Variants in KDM6A observed in about 807,000 individuals in gnomAD.
KDM6A encodes lysine-specific demethylase 6A.
Under a neutral mutation model 117.6 loss-of-function variants are expected in KDM6A, and 11 were observed. That is an observed-to-expected ratio of 0.09 (90% CI 0.06 to 0.15). The LOEUF (loss-of-function observed/expected upper bound fraction) is 0.15, where lower values mean the gene tolerates loss of function less well. Among genes scored for constraint, KDM6A ranks in the 10% least tolerant of loss-of-function variants. The probability of loss-of-function intolerance (pLI) is 1.00; values close to 1 mark genes in which losing one functional copy is unlikely to be tolerated. For missense variants in KDM6A, 799 were observed against 1,077.3 expected (o/e 0.74, Z 3.62); for synonymous variants, 384 against 396.1 (o/e 0.97, Z 0.36).
intron 2 of KDM6A, among the ~76,000 whole-genome samples, chrX:44,884,720 G>A (rs1207919890): frequency 1.8e-5 from 2 of 111,317 alleles, no homozygotes; most frequent in Non-Finnish European, 1.9e-5. Flanking sequence ...CTTGAAAAAG[G>A]CCTTTTCTTG....
At chrX:44,992,557 T>C (rs1405901008) in intron 4 of KDM6A, among the ~76,000 whole-genome samples, 1 of 101,638 alleles carries the variant, frequency 9.8e-6, no homozygotes, top group Non-Finnish European at 2.0e-5. Context: ...AAAGATGCAC[T>C]TTTTTTTTTT....
chrX:45,090,215 A>G lies in KDM6A; in HGVS notation c.3892+285A>G, dbSNP rs557459344. ...TTTTAAAAAAACCCTTATGAGAGAA[A>G]ACAAAGTAGAAAAATTATTCTTTCA... On this transcript the variant is annotated intron_variant, in intron 26 of 29. Coordinates refer to ENST00000611820, the MANE Select transcript of KDM6A (RefSeq NM_001291415.2). 2.4e-4 allele frequency among the ~76,000 whole-genome samples: 27 copies of G among 112,397 alleles called. No individual in the cohort carries two copies. The South Asian group carries it at 4.7e-3, about 20-fold the overall frequency.
At chrX:45,094,149 C>T (rs1192604137) in intron 27 of KDM6A, among the ~76,000 whole-genome samples, 1 of 111,735 alleles carries the variant, frequency 8.9e-6, no homozygotes, top group African/African-American at 3.3e-5. Context: ...ACATGGCTCC[C>T]TTTCTTTGAT....
At position 44,971,018 on chromosome X, in the gene KDM6A, G is replaced by A. The variant is rs771097974; in HGVS notation, c.335-3648G>A. Among the ~76,000 whole-genome samples, 219 of 111,406 alleles carry A rather than the reference G, an allele frequency of 2.0e-3. 1 individual carries two copies. Among genetic ancestry groups the A allele is most frequent in the African/African-American group, 7.0e-3 (214 of 30,613 alleles). ...CCATTTCTGGACTAAAACAATCACC[G>A]AGATTGCCAGGAAACTGATAACCTT... On this transcript the variant is annotated intron_variant, in intron 3 of 29. Transcript: ENST00000611820.
At chrX:45,036,084 G>C (rs1198280832) in intron 7 of KDM6A, among the ~76,000 whole-genome samples, 1 of 111,532 alleles carries the variant, frequency 9.0e-6, no homozygotes, top group Non-Finnish European at 1.9e-5. Context: ...GTTTTAGAAA[G>C]TCAGTGTTTT....
chrX:45,072,563 T>C (rs2044901405), intron 18 of KDM6A, among the ~76,000 whole-genome samples: 1 of 110,627 alleles, frequency 9.0e-6, no homozygotes. Context: ...TTTGACTGTC[T>C]TCTACCTGCT....
chrX:45,019,957 G>A (rs1602598108), intron 5 of KDM6A, among the ~76,000 whole-genome samples: 1 of 111,355 alleles, frequency 9.0e-6, no homozygotes, highest in Non-Finnish European at 1.9e-5. Context: ...ACTGATAGAC[G>A]AAGAAAAGCG....
chrX:45,062,192 G>A (rs1196571137), intron 15 of KDM6A, among the ~76,000 whole-genome samples: 1 of 111,472 alleles, frequency 9.0e-6, no homozygotes, highest in Non-Finnish European at 1.9e-5. Context: ...AATATGTGAA[G>A]AGCTTCCTTG....
chrX:44,958,527 G>GA (rs1180451615), intron 2 of KDM6A, among the ~76,000 whole-genome samples: 5 of 99,559 alleles, frequency 5.0e-5, no homozygotes, highest in Non-Finnish European at 8.0e-5. Context: ...GGTTAATTAT[G>GA]AAAAAAATCT....
At chrX:45,098,520 A>C (rs1438752434) in intron 27 of KDM6A, among the ~76,000 whole-genome samples, 2 of 112,786 alleles carry the variant, frequency 1.8e-5, no homozygotes, top group African/African-American at 3.2e-5. Flanking sequence ...TAAAGAAGAA[A>C]TGAGTTGGGT....
chrX:44,924,697 AT>A (rs2036204049), intron 2 of KDM6A, among the ~76,000 whole-genome samples: 1 of 99,392 alleles, frequency 1.0e-5, no homozygotes, highest in Non-Finnish European at 2.1e-5. Flanking sequence ...GTGTCTATGT[AT>A]TTATTTATTT....
Position 45,003,109 on chromosome X carries a change from T to C in KDM6A, c.385-7852T>C, listed in dbSNP as rs1418189082. On this transcript the variant is annotated intron_variant, in intron 4 of 29. Transcript: ENST00000611820. ...GGTTCCTTCCTGGTTCTGTAAGTAC[T>C]TTAAGGCTTGGCTGAGTGCAAACAG... 6.3e-5 allele frequency among the ~76,000 whole-genome samples: 7 copies of C among 111,235 alleles called. No individual in the cohort carries two copies. The Admixed American group carries it at 6.7e-4, about 11-fold the overall frequency.
intron 2 of KDM6A, among the ~76,000 whole-genome samples, chrX:44,876,240 G>A (rs745460614): frequency 9.0e-6 from 1 of 111,493 alleles, no homozygotes; most frequent in East Asian, 2.8e-4. Flanking sequence ...ACCGCATATA[G>A]TTCTTGGTTG....
chrX:45,093,702 C>G (rs767919371), intron 27 of KDM6A, among the ~76,000 whole-genome samples: 3 of 110,961 alleles, frequency 2.7e-5, no homozygotes, highest in Non-Finnish European at 5.7e-5. Flanking sequence ...ATCATCTTTT[C>G]CATTCCCTAC....
At chrX:45,100,553 A>G (rs1226888299) in intron 27 of KDM6A, among the ~76,000 whole-genome samples, 1 of 111,861 alleles carries the variant, frequency 8.9e-6, no homozygotes, top group African/African-American at 3.3e-5. Flanking sequence ...TAATGTTAGG[A>G]AGTCTCAGAT....
intron 4 of KDM6A, among the ~76,000 whole-genome samples, chrX:44,979,880 C>G (rs1031671845): frequency 2.7e-5 from 3 of 111,179 alleles, no homozygotes; most frequent in Non-Finnish European, 5.7e-5. Flanking sequence ...TCTAGATTCT[C>G]TGTTACGTTC....
chrX:45,061,692 A>G (rs2044305015), intron 15 of KDM6A, among the ~76,000 whole-genome samples: 2 of 108,414 alleles, frequency 1.8e-5, no homozygotes, highest in Non-Finnish European at 3.8e-5. Context: ...GGGTTTCGCC[A>G]TGTTGGCCAG....
At chrX:44,948,200 GCT>G (rs2037773560) in intron 2 of KDM6A, among the ~76,000 whole-genome samples, 1 of 111,749 alleles carries the variant, frequency 8.9e-6, no homozygotes, top group Admixed American at 9.6e-5. Flanking sequence ...TTTCTTGAGG[GCT>G]CTTAAGATTG....
At position 45,054,555 on chromosome X, in the gene KDM6A, C is replaced by T. The variant is rs767764335; in HGVS notation, c.875+600C>T. Among the ~76,000 whole-genome samples the T allele has an allele frequency of 5.4e-5, 6 of 111,727 alleles. No individual in the cohort carries two copies. The South Asian group carries it at 2.2e-3, about 42-fold the overall frequency. On this transcript the variant is annotated intron_variant, in intron 10 of 29. Transcript: ENST00000611820. ...TAACCATTTCTCCATACTATTTATC[C>T]ATTGAATGTCTGAATTATGCTTAGT... is the stretch of plus-strand genomic sequence containing the variant.
Sources: gnomAD v4.1 joint callset for allele counts (sites outside exome capture counted in the v4.1 genomes callset) on GRCh38, gnomAD v4.1.1 for gene constraint, MANE v1.5 for transcripts, NCBI Gene and HGNC (gene_info 2026-07-23, HGNC 2026-07-21) for gene names.